The following MAST4 variants were observed in gnomAD, a reference collection of about 807,000 sequenced individuals.
The protein encoded by MAST4 is microtubule-associated serine/threonine-protein kinase 4.
MAST4 carries 89 observed loss-of-function variants against 162.7 expected under a neutral mutation model. The observed-to-expected ratio is 0.55, with a 90% CI of 0.46 to 0.65. The LOEUF is 0.65. Ranked by LOEUF, MAST4 falls within the 30% of genes least tolerant of loss-of-function variation. The probability of loss-of-function intolerance (pLI) is 0.00; values close to 1 mark genes in which losing one functional copy is unlikely to be tolerated. For missense variants in MAST4, 3,153 were observed against 3,374.0 expected (o/e 0.93, Z 1.62); for synonymous variants, 1,479 against 1,361.1 (o/e 1.09, Z -1.91).
chr5:66,879,055 A>G (rs26918), intron 3 of MAST4, among the ~76,000 whole-genome samples: 129,935 of 152,204 alleles, frequency 0.85, 55,911 homozygotes, highest in Non-Finnish European at 0.91. Flanking sequence ...CAAGGCTGGC[A>G]GATCACGAGG....
At chr5:67,078,669 TTA>T (rs1761991114) in intron 5 of MAST4, among the ~76,000 whole-genome samples, 1 of 140,758 alleles carries the variant, frequency 7.1e-6, no homozygotes, top group East Asian at 2.0e-4. Context: ...TATTTTATAT[TTA>T]TATTATATTT....
chr5:66,751,063 G>A (rs542488930), intron 1 of MAST4, among the ~76,000 whole-genome samples: 33 of 151,208 alleles, frequency 2.2e-4, no homozygotes, highest in Non-Finnish European at 3.5e-4. Flanking sequence ...CAGGGTATTC[G>A]AACAGACCTG....
intron 4 of MAST4, among the ~76,000 whole-genome samples, chr5:67,004,251 G>A (rs535297930): frequency 2.4e-4 from 37 of 152,198 alleles, no homozygotes; most frequent in Non-Finnish European, 5.0e-4. Flanking sequence ...CCTCAGGCGC[G>A]GCCGGGGCTG....
intron 3 of MAST4, among the ~76,000 whole-genome samples, chr5:66,845,126 T>TATATATATATATATATATAC (rs1358855625): frequency 3.3e-4 from 22 of 67,152 alleles, no homozygotes; most frequent in East Asian, 1.6e-3. Context: ...TATATATATA[T>TATATATATATATATATATAC]ACACACACAC....
At chr5:66,704,619 G>C (rs1580245541) in intron 1 of MAST4, among the ~76,000 whole-genome samples, 1 of 148,678 alleles carries the variant, frequency 6.7e-6, no homozygotes, top group Non-Finnish European at 1.5e-5. Flanking sequence ...TCCCGCCTCA[G>C]CCTCCTGAGC....
intron 1 of MAST4, among the ~76,000 whole-genome samples, chr5:66,752,153 A>G (rs1753218585): frequency 1.3e-5 from 2 of 152,182 alleles, no homozygotes; most frequent in South Asian, 2.1e-4. Flanking sequence ...AACACTAAAC[A>G]TGGAAAGGAA....
intron 1 of MAST4, among the ~76,000 whole-genome samples, chr5:66,721,638 A>T (rs1388911265): frequency 6.7e-6 from 1 of 149,874 alleles, no homozygotes; most frequent in Non-Finnish European, 1.5e-5. Flanking sequence ...GCCACCACCT[A>T]TAAACTTATA....
At chr5:67,016,841 C>T (rs1191629887) in intron 4 of MAST4, among the ~76,000 whole-genome samples, 2 of 152,182 alleles carry the variant, frequency 1.3e-5, no homozygotes, top group Non-Finnish European at 2.9e-5. Context: ...CTACACATTT[C>T]AAAATCCATG....
chr5:67,060,695 T>C (rs1002296266), intron 5 of MAST4, among the ~76,000 whole-genome samples: 1 of 152,056 alleles, frequency 6.6e-6, no homozygotes, highest in African/African-American at 2.4e-5. Context: ...CCCAGGATGG[T>C]CTCGATCTCC....
intron 4 of MAST4, among the ~76,000 whole-genome samples, chr5:67,013,819 T>C (rs1486252403): frequency 1.3e-5 from 2 of 152,290 alleles, no homozygotes; most frequent in East Asian, 3.9e-4. Flanking sequence ...ATGTTTGGCA[T>C]GGGAAAAACT....
intron 3 of MAST4, among the ~76,000 whole-genome samples, chr5:66,872,823 A>C: frequency 6.6e-6 from 1 of 152,150 alleles, no homozygotes; most frequent in East Asian, 1.9e-4. Context: ...AAGTACATCC[A>C]CTGTTATACA....
intron 4 of MAST4, among the ~76,000 whole-genome samples, chr5:66,993,926 C>CCT (rs374815057): frequency 1.3e-5 from 1 of 78,282 alleles, no homozygotes; most frequent in Non-Finnish European, 2.5e-5. Flanking sequence ...GAAGACCCCC[C>CCT]CCCCCACCCC....
At chr5:67,106,835 T>A (rs146567726) in intron 10 of MAST4, among the ~76,000 whole-genome samples, 1 of 152,282 alleles carries the variant, frequency 6.6e-6, no homozygotes, top group East Asian at 1.9e-4. Flanking sequence ...TCTAACTCCC[T>A]GGTACTGAGT....
chr5:66,828,665 G>T, intron 3 of MAST4: 1 of 794,122 alleles, frequency 1.3e-6, no homozygotes, highest in Non-Finnish European at 2.0e-6. Context: ...GCAAGCATCC[G>T]TGATCTCCGA....
chr5:66,827,797 G>C (rs1757343396), intron 3 of MAST4, among the ~76,000 whole-genome samples: 1 of 152,168 alleles, frequency 6.6e-6, no homozygotes, highest in Admixed American at 6.5e-5. Flanking sequence ...TCTCTCTCAG[G>C]ATCAAACTAT....
At position 67,131,933 on chromosome 5, in the gene MAST4, G is replaced by A; in HGVS notation, c.2075G>A (p.Arg692Lys). 1 of 1,612,826 alleles carries A rather than the reference G, an allele frequency of 6.2e-7. No individual in the cohort carries two copies. The highest frequency in any genetic ancestry group is 8.5e-7 in the Non-Finnish European group (1 of 1,179,146). Residue 692 changes from arginine to lysine, a missense_variant, in exon 16 of 29, where the codon AGG (arginine) becomes AAG (lysine). Around this residue, in one of 7 missense-constraint regions of MAST4, gnomAD observed 131 missense variants for 253.8 expected, o/e 0.52. Transcript: ENST00000403625. ...TTACATAATTATGGAATTGTACACAGGGATTTGAAACCAGACAAGTATGTA... is the reference window on the plus strand; with the variant it reads ...TTACATAATTATGGAATTGTACACAAGGATTTGAAACCAGACAAGTATGTA... ...EYLHNYGIVH[R>K]DLKPDNLLVT...
At chr5:66,971,021 G>C (rs1355844517) in intron 4 of MAST4, among the ~76,000 whole-genome samples, 1 of 152,186 alleles carries the variant, frequency 6.6e-6, no homozygotes, top group Non-Finnish European at 1.5e-5. Context: ...ACCTGGTCTG[G>C]TTCAAGCTCA....
chr5:66,938,355 A>G (rs1320060242), intron 4 of MAST4, among the ~76,000 whole-genome samples: 1 of 152,188 alleles, frequency 6.6e-6, no homozygotes, highest in African/African-American at 2.4e-5. Context: ...ATTTTGTCAC[A>G]TAGTGCCTTG....
intron 4 of MAST4, among the ~76,000 whole-genome samples, chr5:66,991,775 A>C (rs958179471): frequency 6.6e-6 from 1 of 152,222 alleles, no homozygotes; most frequent in African/African-American, 2.4e-5. Flanking sequence ...TCTAGATGTT[A>C]AATGTGGTTA....
Sources: gnomAD v4.1 joint callset for allele counts (sites outside exome capture counted in the v4.1 genomes callset) on GRCh38, gnomAD v4.1.1 for gene constraint, gnomAD v4.1.1 regional missense constraint, MANE v1.5 for transcripts, NCBI Gene and HGNC (gene_info 2026-07-23, HGNC 2026-07-21) for gene names.